FAM184B: variants seen among roughly 807,000 people sequenced by gnomAD.
FAM184B encodes the protein protein FAM184B.
A neutral mutation model predicts 135.9 loss-of-function variants in FAM184B; 111 were observed. The observed-to-expected ratio is 0.82, with a 90% confidence interval of 0.70 to 0.96. The LOEUF (loss-of-function observed/expected upper bound fraction) is 0.96, where lower values mean the gene tolerates loss of function less well. Ranked by LOEUF, FAM184B falls within the 40% of genes least tolerant of loss-of-function variation. FAM184B has a pLI of 0.00. For missense variants in FAM184B, 1,375 were observed against 1,323.9 expected (o/e 1.04, Z -0.60); for synonymous variants, 552 against 524.8 (o/e 1.05, Z -0.71).
intron 11 of FAM184B, among the ~76,000 whole-genome samples, chr4:17,649,664 A>G (rs1038956165): frequency 5.3e-5 from 8 of 152,134 alleles, no homozygotes; most frequent in Admixed American, 2.0e-4. Context: ...TTTTCTTAAA[A>G]AAAAATCCAA....
Position 17,636,509 on chromosome 4 carries a change from C to CGCCCCCAGACAGCCTCACCGTGAGCT in FAM184B, c.2784+18_2784+19insAGCTCACGGTGAGGCTGTCTGGGGGC, listed in dbSNP as rs1715141267. The CGCCCCCAGACAGCCTCACCGTGAGCT allele has an allele frequency of 6.5e-7, 1 of 1,543,348 alleles. No homozygotes were observed. The highest frequency in any genetic ancestry group is 1.4e-5 in the African/African-American group (1 of 72,848). On this transcript the variant is annotated intron_variant, in intron 15 of 17. Transcript: ENST00000265018. ...TGCCCGGCCAGGTGCGTGGGTGAGG[C>CGCCCCCAGACAGCCTCACCGTGAGCT]GCCCCCTGACAGCCTCACCGTGAGC...
At chr4:17,735,169 C>T (rs62297860) in intron 1 of FAM184B, among the ~76,000 whole-genome samples, 28 of 128,380 alleles carry the variant, frequency 2.2e-4, no homozygotes, top group Middle Eastern at 3.9e-3. Flanking sequence ...CATCACACTC[C>T]GGGTCCTGTT....
At chr4:17,662,092 C>T (rs6848031) in intron 8 of FAM184B, among the ~76,000 whole-genome samples, 21,958 of 152,090 alleles carry the variant, frequency 0.14, 3,862 homozygotes, top group African/African-American at 0.42. Flanking sequence ...AACAGAATCA[C>T]GTGGGATGCA....
At chr4:17,676,227 G>A (rs918724528) in intron 7 of FAM184B, among the ~76,000 whole-genome samples, 1 of 152,124 alleles carries the variant, frequency 6.6e-6, no homozygotes, top group African/African-American at 2.4e-5. Flanking sequence ...ATATTGTTGT[G>A]TTTCAGCGAA....
At chr4:17,643,456 G>A (rs1348685406) in intron 12 of FAM184B, among the ~76,000 whole-genome samples, 3 of 151,940 alleles carry the variant, frequency 2.0e-5, no homozygotes, top group Admixed American at 6.6e-5. Context: ...GCCACGTATC[G>A]GCTCATGTAC....
At chr4:17,660,865 C>T (rs74952988) in intron 8 of FAM184B, among the ~76,000 whole-genome samples, 3,743 of 152,052 alleles carry the variant, frequency 0.025, 161 homozygotes, top group African/African-American at 0.086. Flanking sequence ...CTGACAAGGA[C>T]ATCAGGCCAG....
intron 7 of FAM184B, among the ~76,000 whole-genome samples, chr4:17,683,845 G>A (rs755692771): frequency 5.3e-5 from 8 of 152,054 alleles, no homozygotes; most frequent in South Asian, 2.1e-4. Flanking sequence ...GGAGGTGGAG[G>A]TGGGTGGATG....
chr4:17,724,484 G>A (rs970649719), intron 1 of FAM184B, among the ~76,000 whole-genome samples: 3 of 152,230 alleles, frequency 2.0e-5, no homozygotes, highest in Non-Finnish European at 4.4e-5. Flanking sequence ...GCTGTGCCAT[G>A]TCCACCTGGC....
chr4:17,651,598 G>A (rs534428846), intron 11 of FAM184B, among the ~76,000 whole-genome samples: 1 of 150,004 alleles, frequency 6.7e-6, no homozygotes, highest in East Asian at 2.0e-4. Context: ...ATGTAACAGG[G>A]AACACTTAGA....
intron 1 of FAM184B, among the ~76,000 whole-genome samples, chr4:17,777,817 T>C (rs1232210707): frequency 6.6e-6 from 1 of 152,104 alleles, no homozygotes; most frequent in Non-Finnish European, 1.5e-5. Flanking sequence ...TTTTCCAGAA[T>C]TAAAGAAAGC....
chr4:17,749,940 G>A (rs1718256840), intron 1 of FAM184B, among the ~76,000 whole-genome samples: 1 of 152,064 alleles, frequency 6.6e-6, no homozygotes, highest in Admixed American at 6.6e-5. Flanking sequence ...TACAAATCAT[G>A]CTTAACACCA....
At chr4:17,722,262 T>C (rs1717547508) in intron 1 of FAM184B, among the ~76,000 whole-genome samples, 1 of 152,176 alleles carries the variant, frequency 6.6e-6, no homozygotes, top group Admixed American at 6.5e-5. Context: ...GGAGCTTCAG[T>C]GTTCTGGGCA....
rs76835031 is a variant in FAM184B, at chr4:17,700,404, A to T, written c.1377+4596T>A. ...CAGACAAAGCAGACTTCAGGACAAA[A>T]AATATTTCATAAATAATAAGAGTCA... is the stretch of plus-strand genomic sequence containing the variant. On this transcript the variant is annotated intron_variant, in intron 5 of 17. Transcript: ENST00000265018. 2.5e-3 allele frequency among the ~76,000 whole-genome samples: 382 copies of T among 152,332 alleles called. 6 individuals carry two copies. In the East Asian group the frequency reaches 0.047, roughly 19 times the overall value.
intron 13 of FAM184B, among the ~76,000 whole-genome samples, chr4:17,640,450 C>T (rs1715276999): frequency 6.7e-6 from 1 of 149,470 alleles, no homozygotes; most frequent in South Asian, 2.1e-4. Flanking sequence ...CACCACTGCA[C>T]TCCAGCCTGG....
chr4:17,749,471 T>C (rs1279215563), intron 1 of FAM184B, among the ~76,000 whole-genome samples: 2 of 151,866 alleles, frequency 1.3e-5, no homozygotes, highest in African/African-American at 4.8e-5. Context: ...AAGAAAACAC[T>C]ATCAATGGAA....
intron 12 of FAM184B, among the ~76,000 whole-genome samples, chr4:17,644,240 T>C (rs1715403160): frequency 6.6e-6 from 1 of 152,210 alleles, no homozygotes; most frequent in Non-Finnish European, 1.5e-5. Flanking sequence ...TGAAAAGTGA[T>C]GCTGGTCATC....
intron 7 of FAM184B, among the ~76,000 whole-genome samples, chr4:17,685,889 T>C (rs1323129621): frequency 2.0e-5 from 3 of 152,192 alleles, no homozygotes; most frequent in Non-Finnish European, 2.9e-5. Context: ...ATCGTGACCA[T>C]GACTGGTAGA....
At chr4:17,730,100 G>A (rs914681736) in intron 1 of FAM184B, among the ~76,000 whole-genome samples, 4 of 152,150 alleles carry the variant, frequency 2.6e-5, no homozygotes, top group Admixed American at 1.3e-4. Context: ...GCCAAGGCTC[G>A]AGAATTACTT....
intron 14 of FAM184B, among the ~76,000 whole-genome samples, chr4:17,637,699 A>C (rs958224987): frequency 6.6e-6 from 1 of 152,160 alleles, no homozygotes; most frequent in Non-Finnish European, 1.5e-5. Context: ...AGCTCAGGCT[A>C]AAGGTCAGAC....
Sources: allele counts gnomAD v4.1 joint callset (sites outside exome capture counted in the v4.1 genomes callset), GRCh38; gene constraint gnomAD v4.1.1; transcripts MANE v1.5; gene names NCBI Gene and HGNC (gene_info 2026-07-23, HGNC 2026-07-21).